RMST: variants seen among roughly 807,000 people sequenced by gnomAD.
RMST encodes long intergenic non-protein coding RNA 54.
chr12:97,470,799 A>G (rs963804479), intron 5 of RMST, among the ~76,000 whole-genome samples: 2 of 151,884 alleles, frequency 1.3e-5, no homozygotes, highest in Non-Finnish European at 2.9e-5. Context: ...GTTTCCTGGG[A>G]TATATTTCAG....
chr12:97,517,505 T>C (rs917970741), intron 10 of RMST, among the ~76,000 whole-genome samples: 8 of 152,034 alleles, frequency 5.3e-5, no homozygotes, highest in East Asian at 1.9e-4. Context: ...GAAAAACATA[T>C]ATATATACAC....
At chr12:97,490,600 G>A (rs143794589) in intron 5 of RMST, among the ~76,000 whole-genome samples, 17 of 152,118 alleles carry the variant, frequency 1.1e-4, no homozygotes, top group Admixed American at 5.9e-4. Flanking sequence ...CTCCACCGCC[G>A]TCATCATTAT....
At chr12:97,532,207 T>A (rs1025946984) in intron 11 of RMST, among the ~76,000 whole-genome samples, 3 of 151,940 alleles carry the variant, frequency 2.0e-5, no homozygotes, top group African/African-American at 7.2e-5. Flanking sequence ...CAGGAGAATG[T>A]TTTTCTTTTA....
At chr12:97,527,609 C>G (rs1304051780) in intron 10 of RMST, among the ~76,000 whole-genome samples, 2 of 152,064 alleles carry the variant, frequency 1.3e-5, no homozygotes. Flanking sequence ...AATCTGTTTC[C>G]AGCAGTTCTG....
chr12:97,469,440 A>G (rs528818277), intron 5 of RMST, among the ~76,000 whole-genome samples: 96 of 151,880 alleles, frequency 6.3e-4, no homozygotes, highest in Non-Finnish European at 1.2e-3. Flanking sequence ...ATTTTAAGGG[A>G]TTTCTAATTC....
At chr12:97,470,740 T>G (rs1163261957) in intron 5 of RMST, among the ~76,000 whole-genome samples, 1 of 152,068 alleles carries the variant, frequency 6.6e-6, no homozygotes, top group Non-Finnish European at 1.5e-5. Context: ...ACAATGCTGT[T>G]AACTCTAAGT....
intron 5 of RMST, among the ~76,000 whole-genome samples, chr12:97,470,044 C>G (rs1873710545): frequency 6.6e-6 from 1 of 152,124 alleles, no homozygotes; most frequent in Non-Finnish European, 1.5e-5. Flanking sequence ...TGCATTTTCT[C>G]TGTTCATTCC....
intron 13 of RMST, among the ~76,000 whole-genome samples, chr12:97,562,024 C>T (rs980216450): frequency 1.4e-4 from 21 of 152,042 alleles, no homozygotes; most frequent in African/African-American, 4.6e-4. Flanking sequence ...TGGCTGAGTG[C>T]GCCACAGAGG....
chr12:97,495,206 A>C (rs1877270473), intron 9 of RMST, among the ~76,000 whole-genome samples: 1 of 151,812 alleles, frequency 6.6e-6, no homozygotes, highest in South Asian at 2.1e-4. Flanking sequence ...AAGGCATGCT[A>C]TTCTATAACC....
intron 11 of RMST, among the ~76,000 whole-genome samples, chr12:97,535,237 TC>T: frequency 6.6e-6 from 1 of 151,696 alleles, no homozygotes. Context: ...AGATTAGTTT[TC>T]TAGGACTAGT....
At chr12:97,548,714 T>C (rs551210006) in intron 11 of RMST, among the ~76,000 whole-genome samples, 1 of 152,264 alleles carries the variant, frequency 6.6e-6, no homozygotes, top group Admixed American at 6.5e-5. Context: ...TCTGCAGATT[T>C]ACTGAATTTG....
chr12:97,488,549 C>G (rs918750921), intron 5 of RMST, among the ~76,000 whole-genome samples: 1 of 152,150 alleles, frequency 6.6e-6, no homozygotes, highest in Non-Finnish European at 1.5e-5. Flanking sequence ...AAGTGTCTCT[C>G]TTCACTGCTA....
chr12:97,493,290 G>GT (rs1454524247), intron 7 of RMST: 2 of 152,588 alleles, frequency 1.3e-5, no homozygotes, highest in African/African-American at 2.4e-5. Flanking sequence ...CCAAAGGTGA[G>GT]TAGGGGCATT....
At chr12:97,560,455 G>T (rs1430514892) in intron 11 of RMST, 1 of 152,058 alleles carries the variant, frequency 6.6e-6, no homozygotes, top group Non-Finnish European at 1.5e-5. Flanking sequence ...TGTAATAAGG[G>T]GATTTTCAAT....
chr12:97,538,665 G>A (rs778743211), intron 11 of RMST, among the ~76,000 whole-genome samples: 1 of 151,218 alleles, frequency 6.6e-6, no homozygotes, highest in Non-Finnish European at 1.5e-5. Context: ...GCTAAATGGG[G>A]GTGATTTTCA....
chr12:97,554,602 A>C (rs1883562367), intron 11 of RMST, among the ~76,000 whole-genome samples: 2 of 152,182 alleles, frequency 1.3e-5, no homozygotes, highest in Non-Finnish European at 2.9e-5. Context: ...TATTACTCAT[A>C]TCTAACCAAT....
At chr12:97,500,483 C>T (rs7309372) in intron 10 of RMST, among the ~76,000 whole-genome samples, 23,738 of 152,136 alleles carry the variant, frequency 0.16, 3,639 homozygotes, top group African/African-American at 0.39. Context: ...TGACTGCTGA[C>T]TTGAGGTTTT....
intron 11 of RMST, among the ~76,000 whole-genome samples, chr12:97,541,628 A>G (rs1295944582): frequency 2.0e-5 from 3 of 151,604 alleles, no homozygotes; most frequent in Non-Finnish European, 3.0e-5. Flanking sequence ...CCAGGAACTT[A>G]GATCTCCCTC....
chr12:97,512,129 C>A (rs1425371450), intron 10 of RMST, among the ~76,000 whole-genome samples: 1 of 152,032 alleles, frequency 6.6e-6, no homozygotes, highest in Non-Finnish European at 1.5e-5. Flanking sequence ...CCGAGTCTGG[C>A]GGATTCGTGG....
Sources: gnomAD v4.1 joint callset for allele counts (sites outside exome capture counted in the v4.1 genomes callset) on GRCh38, gnomAD v4.1.1 for gene constraint, MANE v1.5 for transcripts, NCBI Gene and HGNC (gene_info 2026-07-23, HGNC 2026-07-21) for gene names.